The following TRIM66 variants were observed in gnomAD, a reference collection of about 807,000 sequenced individuals.
The protein encoded by TRIM66 is tripartite motif-containing protein 66.
A neutral mutation model predicts 148.2 loss-of-function variants in TRIM66; 99 were observed. The observed-to-expected ratio is 0.67, with a 90% confidence interval of 0.57 to 0.79. The LOEUF (loss-of-function observed/expected upper bound fraction) is 0.79, where lower values mean the gene tolerates loss of function less well. Ranked by LOEUF, TRIM66 falls within the 30% of genes least tolerant of loss-of-function variation. The pLI is 0.00. For missense variants in TRIM66, 1,666 were observed against 1,697.9 expected, an observed-to-expected ratio of 0.98 and a Z score of 0.33; for synonymous variants, 616 against 635.9, an observed-to-expected ratio of 0.97 and a Z score of 0.47.
intron 3 of TRIM66, chr11:8,678,252 T>C (rs2039269662): frequency 6.6e-6 from 1 of 151,714 alleles, no homozygotes; most frequent in Admixed American, 6.6e-5. Context: ...AAGAATACAA[T>C]AAGAATTTTT....
At chr11:8,665,260 T>C (rs2038516424) in intron 6 of TRIM66, among the ~76,000 whole-genome samples, 1 of 152,164 alleles carries the variant, frequency 6.6e-6, no homozygotes, top group Admixed American at 6.5e-5. Context: ...ACCAGAAATC[T>C]AAGTTCAGGT....
At position 8,638,818 on chromosome 11, in the gene TRIM66, G is replaced by A; in HGVS notation, c.2149-3C>T. ...GATGCTGGGGGCTCATCTGTAGCCTGGAGAAGAAAATAAGAACTTGGGTGG... is the reference window on the plus strand; with the variant it reads ...GATGCTGGGGGCTCATCTGTAGCCTAGAGAAGAAAATAAGAACTTGGGTGG... On this transcript the variant is annotated splice_region_variant and splice_polypyrimidine_tract_variant and intron_variant, in intron 14 of 24. Coordinates refer to ENST00000646038, the MANE Select transcript of TRIM66 (RefSeq NM_001388022.1). The A allele has an allele frequency of 6.5e-7, 1 of 1,549,774 alleles. No homozygotes were observed. Among genetic ancestry groups the A allele is most frequent in the Middle Eastern group, 1.7e-4 (1 of 5,974 alleles).
In TRIM66 at chr11:8,651,784, C is replaced by T; in HGVS notation, c.444+16G>A. 6.5e-7 allele frequency: 1 copy of T among 1,548,670 alleles called. No individual in the cohort carries two copies. The highest frequency in any genetic ancestry group is 8.7e-7 in the Non-Finnish European group (1 of 1,144,224). The stretch of plus-strand genomic sequence containing the variant: ...TCTGAAAAAGATCAGCTGCTTCTTT[C>T]CTTGTCCTGACTTACCCTGGCCATC... On this transcript the variant is annotated intron_variant, in intron 7 of 24. Coordinates refer to ENST00000646038, the MANE Select transcript of TRIM66 (RefSeq NM_001388022.1).
In TRIM66 at chr11:8,622,369, T is replaced by C. The variant is rs867111765; in HGVS notation, c.3080+447A>G. Among the ~76,000 whole-genome samples the C allele has an allele frequency of 8.1e-3, 410 of 50,558 alleles. 14 individuals carry two copies. Among genetic ancestry groups the C allele is most frequent in the Middle Eastern group, 0.02 (2 of 100 alleles). The allele number at this position is 50,558 out of a possible 152,430, so 33.2% of individuals were successfully genotyped here. On this transcript the variant is annotated intron_variant, in intron 18 of 24. Transcript: ENST00000646038. ...ACACACACACACACACACACACATATATATATATATATATCTCCTACTTGT... is the reference window on the plus strand; with the variant it reads ...ACACACACACACACACACACACATACATATATATATATATCTCCTACTTGT...
chr11:8,644,400 C>G, intron 12 of TRIM66: 1 of 453,224 alleles, frequency 2.2e-6, no homozygotes, highest in South Asian at 1.6e-5. Context: ...GTGCTACTTA[C>G]CAATGTTTTA....
In TRIM66 at chr11:8,619,552, T is replaced by G; in HGVS notation, c.3748-17A>C. 1.3e-6 allele frequency: 2 copies of G among 1,517,868 alleles called. No homozygotes were observed. The highest frequency in any genetic ancestry group is 1.8e-6 in the Non-Finnish European group (2 of 1,131,940). The allele number at this position is 1,517,868 out of a possible 1,614,324, so 94.0% of individuals were successfully genotyped here. ...ATGCCGGGCCTTGGGGGAGGAGACA[T>G]GAGGAGAAGGAGGCAAAGGGAGTGA... On this transcript the variant is annotated splice_polypyrimidine_tract_variant and intron_variant, in intron 22 of 24. Transcript: ENST00000646038.
rs868022319 is a variant in TRIM66 at position 8,640,570 on chromosome 11, AGCTGCTGCTGTG to A, written c.1793_1804del (p.Pro598_Gln601del). ...GGGGAGGGGTGGTGGTGGAGGTGGTAGCTGCTGCTGTGGCTGCTGCTGAAAGTGACTGAGCTT... is the reference window on the plus strand; with the variant it reads ...GGGGAGGGGTGGTGGTGGAGGTGGTAGCTGCTGCTGAAAGTGACTGAGCTT... On this transcript the variant is annotated inframe_deletion, in exon 14 of 25. Transcript: ENST00000646038. The A allele has an allele frequency of 1.2e-5, 19 of 1,548,620 alleles. No individual in the cohort carries two copies. Among genetic ancestry groups the A allele is most frequent in the Non-Finnish European group, 1.7e-5 (19 of 1,145,636 alleles).
intron 6 of TRIM66, among the ~76,000 whole-genome samples, chr11:8,670,017 A>ATT (rs534807233): frequency 4.1e-4 from 58 of 141,642 alleles, no homozygotes; most frequent in East Asian, 3.8e-3. Context: ...GTTTTTATTT[A>ATT]TTTTTTTTTT....
In TRIM66 at chr11:8,667,882, C is replaced by A. The variant is rs75676708; in HGVS notation, c.340+3904G>T. On this transcript the variant is annotated intron_variant, in intron 6 of 24. Coordinates refer to ENST00000646038, the MANE Select transcript of TRIM66 (RefSeq NM_001388022.1). ...TAATGCTGCTAGAAACATGGGTGTA[C>A]AAATATCTCTTCAAGTCCCTACTTT... Among the ~76,000 whole-genome samples, 569 of 152,300 alleles carry A rather than the reference C, an allele frequency of 3.7e-3. 4 individuals are homozygous for A. Among genetic ancestry groups the A allele is most frequent in the African/African-American group, 0.013 (534 of 41,568 alleles).
intron 18 of TRIM66, 102 bp downstream of exon 18, chr11:8,622,714 T>C: frequency 8.9e-7 from 1 of 1,122,242 alleles, no homozygotes; most frequent in African/African-American, 1.6e-5. Context: ...CAGGCAAATT[T>C]CTTCCACTTG....
chr11:8,671,739 G>T, intron 6 of TRIM66, 47 bp downstream of exon 6: 1 of 836,424 alleles, frequency 1.2e-6, no homozygotes, highest in South Asian at 1.4e-5. Flanking sequence ...AACAGGAAGA[G>T]ACCTGTTATG....
At position 8,621,817 on chromosome 11, in the gene TRIM66, G is replaced by A; in HGVS notation, c.3083C>T (p.Ala1028Val). Reference sequence around the variant, plus strand: ...GGGAATCTTATGCTCACTATTGAAGGCTCTGCAGCAAGACAGACACCCCGG... The same window carrying A: ...GGGAATCTTATGCTCACTATTGAAGACTCTGCAGCAAGACAGACACCCCGG... ...LDAKENQSIRAFNSEHKIPYV... is the reference protein window; with the variant it reads ...LDAKENQSIRVFNSEHKIPYV... The change falls in exon 19 of 25, where the codon GCC (alanine) becomes GTC (valine). Residue 1028 changes from alanine (A) to valine (V), a missense_variant and splice_region_variant. This residue lies in a region of TRIM66 where 1,431 missense variants were observed against 1,412.4 expected (regional missense o/e 1.01). Coordinates refer to ENST00000646038, the MANE Select transcript of TRIM66 (RefSeq NM_001388022.1). 1 of 1,539,798 alleles carries A rather than the reference G, an allele frequency of 6.5e-7. No homozygotes were observed. The highest frequency in any genetic ancestry group is 8.8e-7 in the Non-Finnish European group (1 of 1,142,640).
intron 6 of TRIM66, among the ~76,000 whole-genome samples, chr11:8,660,073 CCTTA>C (rs2038143820): frequency 6.6e-6 from 1 of 151,952 alleles, no homozygotes; most frequent in Non-Finnish European, 1.5e-5. Flanking sequence ...AGAGACAGGG[CCTTA>C]CTATGTTGCC....
chr11:8,621,559 C>A (rs1039069520), intron 19 of TRIM66, 86 bp downstream of exon 19: 4 of 1,431,828 alleles, frequency 2.8e-6, no homozygotes, highest in African/African-American at 1.4e-5. Flanking sequence ...CAGGAAAGGT[C>A]CCAGAGTCAG....
chr11:8,641,095 C>G lies in TRIM66; in HGVS notation c.1280G>C (p.Gly427Ala). The G allele has an allele frequency of 6.4e-7, 1 of 1,551,682 alleles. No individual in the cohort carries two copies. The highest frequency in any genetic ancestry group is 1.2e-5 in the South Asian group (1 of 84,062). ...ATAAAAGGGTGATGACCCCTGTAAG[C>G]CTCCATAAGCAGGAGCATCTGCCCT... ...MSRADAPAYG[G>A]LQGSSPFYQS... The change falls in exon 14 of 25, where the codon GGC (glycine) becomes GCC (alanine). Residue 427 changes from glycine to alanine, a missense_variant. By Grantham distance (60) the Gly-to-Ala change is moderately conservative (BLOSUM62 0). Around this residue, in one of 3 missense-constraint regions of TRIM66, gnomAD observed 1,431 missense variants for 1,412.4 expected, o/e 1.01. Transcript: ENST00000646038.
intron 7 of TRIM66, among the ~76,000 whole-genome samples, chr11:8,651,066 G>C (rs971631005): frequency 1.3e-5 from 2 of 152,096 alleles, no homozygotes; most frequent in African/African-American, 2.4e-5. Context: ...CAAGAGAAGG[G>C]GAGATTTGGA....
At chr11:8,675,073 GCA>G (rs1481308347) in intron 3 of TRIM66, among the ~76,000 whole-genome samples, 190 bp from the exon 4 acceptor site, 6 of 152,132 alleles carry the variant, frequency 3.9e-5, no homozygotes, top group Admixed American at 2.6e-4. Flanking sequence ...TTTTCCCCAG[GCA>G]CAGTTTTTTA....
chr11:8,682,972 G>A, upstream of TRIM66: 2 of 1,067,194 alleles, frequency 1.9e-6, no homozygotes, highest in Non-Finnish European at 1.4e-6. Context: ...GCCCGGGGCG[G>A]GGCTCCCGGA....
intron 6 of TRIM66, among the ~76,000 whole-genome samples, chr11:8,667,611 A>G (rs948428729): frequency 6.6e-6 from 1 of 152,192 alleles, no homozygotes; most frequent in Non-Finnish European, 1.5e-5. Context: ...TCTAGTTTCT[A>G]TCTCTACGAA....
Sources: allele counts gnomAD v4.1 joint callset (sites outside exome capture counted in the v4.1 genomes callset), GRCh38; gene constraint gnomAD v4.1.1; regional missense constraint gnomAD v4.1.1; transcripts MANE v1.5; gene names NCBI Gene and HGNC (gene_info 2026-07-23, HGNC 2026-07-21).